Variants in CTNNA2 observed in about 807,000 individuals in gnomAD.
The protein encoded by CTNNA2 is catenin alpha 2.
Under a neutral mutation model 101.0 loss-of-function variants are expected in CTNNA2, and 42 were observed. That is an observed-to-expected ratio of 0.42 (90% CI 0.32 to 0.54). The LOEUF (loss-of-function observed/expected upper bound fraction) is 0.54. Among genes scored for constraint, CTNNA2 ranks in the 20% least tolerant of loss-of-function variants. CTNNA2 has a pLI of 0.14. For synonymous variants in CTNNA2, 450 were observed against 456.4 expected, an observed-to-expected ratio of 0.99 and a Z score of 0.18; for missense variants, 871 against 1,223.1, an observed-to-expected ratio of 0.71 and a Z score of 4.29.
At chr2:80,090,210 G>T (rs933178902) in intron 7 of CTNNA2, among the ~76,000 whole-genome samples, 24 of 151,662 alleles carry the variant, frequency 1.6e-4, no homozygotes, top group African/African-American at 5.6e-4. Context: ...GCATGTGTGT[G>T]TCTGTGTGTG....
intron 4 of CTNNA2, among the ~76,000 whole-genome samples, chr2:79,864,377 G>T (rs765677708): frequency 9.2e-5 from 14 of 152,300 alleles, no homozygotes; most frequent in Non-Finnish European, 1.5e-4. Context: ...AAGGTGGGGA[G>T]AGGCAATAAC....
At chr2:80,605,526 T>C (rs373442471) in intron 16 of CTNNA2, 1 of 151,980 alleles carries the variant, frequency 6.6e-6, no homozygotes, top group Non-Finnish European at 1.5e-5. Flanking sequence ...TCTGATGATT[T>C]TTGAGTCTTT....
chr2:80,322,095 T>A (rs1016041614), intron 7 of CTNNA2, among the ~76,000 whole-genome samples: 1 of 152,234 alleles, frequency 6.6e-6, no homozygotes, highest in African/African-American at 2.4e-5. Context: ...TAGAATTTCA[T>A]AGAACTACTT....
intron 1 of CTNNA2, among the ~76,000 whole-genome samples, chr2:79,593,069 G>T (rs1357410393): frequency 6.6e-6 from 1 of 152,184 alleles, no homozygotes; most frequent in Admixed American, 6.5e-5. Context: ...GGAATAGTTT[G>T]ACAAAATGGA....
At chr2:80,076,610 G>C (rs1698771736) in intron 7 of CTNNA2, among the ~76,000 whole-genome samples, 1 of 150,792 alleles carries the variant, frequency 6.6e-6, no homozygotes, top group South Asian at 2.1e-4. Flanking sequence ...CATGCTCTTT[G>C]TGGAGTTGTC....
intron 2 of CTNNA2, among the ~76,000 whole-genome samples, chr2:79,737,028 A>C (rs1670930188): frequency 6.6e-6 from 1 of 152,180 alleles, no homozygotes; most frequent in Non-Finnish European, 1.5e-5. Context: ...CATGGCACCT[A>C]AAATGAGAGG....
At chr2:79,277,037 G>A (rs1675229311) in intron 2 of CTNNA2, among the ~76,000 whole-genome samples, 1 of 152,018 alleles carries the variant, frequency 6.6e-6, no homozygotes, top group African/African-American at 2.4e-5. Flanking sequence ...TTTTGCTTTT[G>A]TGAAAATGAA....
chr2:79,633,405 C>T (rs954748907), intron 1 of CTNNA2, among the ~76,000 whole-genome samples: 2 of 152,112 alleles, frequency 1.3e-5, no homozygotes, highest in African/African-American at 4.8e-5. Flanking sequence ...GGCTGCATCT[C>T]CAAACTTGAG....
chr2:79,242,526 T>G (rs1042053680), intron 2 of CTNNA2, among the ~76,000 whole-genome samples: 1 of 152,146 alleles, frequency 6.6e-6, no homozygotes, highest in African/African-American at 2.4e-5. Flanking sequence ...CTGACACTTC[T>G]CTCAACACTT....
Position 79,477,400 on chromosome 2 carries a change from G to A in CTNNA2, c.-134-27654G>A, listed in dbSNP as rs146512044. On this transcript the variant is annotated intron_variant, in intron 4 of 21. Transcript: ENST00000466387. ...TGGCCAGGCTAGTCTCAAACTCCTG[G>A]CCTCAGGTAATCAACCTGCCTTGGC... Among the ~76,000 whole-genome samples, 237 of 151,828 alleles carry A rather than the reference G, an allele frequency of 1.6e-3. 1 individual carries two copies. The highest frequency in any genetic ancestry group is 5.5e-3 in the African/African-American group (227 of 41,422).
chr2:79,212,386 C>T (rs1218795113), intron 2 of CTNNA2, among the ~76,000 whole-genome samples: 2 of 152,122 alleles, frequency 1.3e-5, no homozygotes, highest in African/African-American at 2.4e-5. Context: ...TACAGGAGCT[C>T]AAATGGGCTG....
chr2:79,629,313 A>G (rs1429759437), intron 1 of CTNNA2, among the ~76,000 whole-genome samples: 1 of 152,258 alleles, frequency 6.6e-6, no homozygotes, highest in Non-Finnish European at 1.5e-5. Flanking sequence ...TATAAAGAAT[A>G]TAAAGAAGAA....
intron 7 of CTNNA2, among the ~76,000 whole-genome samples, chr2:80,388,426 G>C (rs779442258): frequency 9.7e-4 from 148 of 152,328 alleles, no homozygotes; most frequent in Non-Finnish European, 1.8e-3. Context: ...TTAGAGAAGA[G>C]AAAAACTTCA....
At chr2:79,548,204 A>T (rs1673860189) in intron 1 of CTNNA2, 1 of 152,220 alleles carries the variant, frequency 6.6e-6, no homozygotes, top group South Asian at 2.1e-4. Flanking sequence ...AACTTTTAAC[A>T]TTTGAATCAT....
chr2:79,696,924 G>A (rs1405089091), intron 2 of CTNNA2, among the ~76,000 whole-genome samples: 1 of 151,926 alleles, frequency 6.6e-6, no homozygotes, highest in Non-Finnish European at 1.5e-5. Context: ...ACATTCAAGA[G>A]ACTTTAATTG....
At chr2:80,468,892 T>C (rs1030561759) in intron 9 of CTNNA2, among the ~76,000 whole-genome samples, 8 of 152,186 alleles carry the variant, frequency 5.3e-5, no homozygotes, top group African/African-American at 1.9e-4. Flanking sequence ...CCAAGAAAAG[T>C]ACCTTATTTT....
chr2:79,993,819 A>C (rs1324142501), intron 7 of CTNNA2, among the ~76,000 whole-genome samples: 1 of 152,320 alleles, frequency 6.6e-6, no homozygotes, highest in Non-Finnish European at 1.5e-5. Context: ...TGACTCTGCC[A>C]GTGCCAAGCT....
At chr2:79,376,080 A>C (rs1403396984) in intron 4 of CTNNA2, among the ~76,000 whole-genome samples, 3 of 152,192 alleles carry the variant, frequency 2.0e-5, no homozygotes, top group Non-Finnish European at 2.9e-5. Flanking sequence ...CTTTTGGTTC[A>C]GGAGAAAGCT....
intron 9 of CTNNA2, among the ~76,000 whole-genome samples, chr2:80,490,280 A>ACCCC (rs138977108): frequency 2.5e-4 from 14 of 55,794 alleles, no homozygotes; most frequent in African/African-American, 8.3e-4. Flanking sequence ...TTCCCCCCCC[A>ACCCC]CCCCCCCCCC....
Sources: allele counts gnomAD v4.1 joint callset (sites outside exome capture counted in the v4.1 genomes callset), GRCh38; gene constraint gnomAD v4.1.1; transcripts MANE v1.5; gene names NCBI Gene and HGNC (gene_info 2026-07-23, HGNC 2026-07-21).